Variants in HACD2 observed in about 807,000 individuals in gnomAD.
HACD2 encodes 3-hydroxyacyl-CoA dehydratase 2.
HACD2 carries 15 observed loss-of-function variants against 31.0 expected under a neutral mutation model. That is an observed-to-expected ratio of 0.48 (90% CI 0.32 to 0.75). HACD2 has a LOEUF of 0.75. Ranked by LOEUF, HACD2 falls within the 30% of genes least tolerant of loss-of-function variation. The probability of loss-of-function intolerance (pLI) is 0.03; values close to 1 mark genes in which losing one functional copy is unlikely to be tolerated. For missense variants in HACD2, 283 were observed against 313.0 expected (o/e 0.90, Z 0.72); for synonymous variants, 115 against 122.2 (o/e 0.94, Z 0.39).
chr3:123,545,389 G>T (rs1220690663), intron 3 of HACD2, among the ~76,000 whole-genome samples: 1 of 151,236 alleles, frequency 6.6e-6, no homozygotes, highest in Non-Finnish European at 1.5e-5. Flanking sequence ...GGCTGAGGTG[G>T]CAAAATTGCT....
At chr3:123,561,791 A>T (rs73200044) in intron 3 of HACD2, among the ~76,000 whole-genome samples, 1 of 151,328 alleles carries the variant, frequency 6.6e-6, no homozygotes, top group Admixed American at 6.6e-5. Flanking sequence ...AAAAAAAAAA[A>T]CATATCTCAG....
chr3:123,539,309 C>T (rs2056460737), intron 3 of HACD2, among the ~76,000 whole-genome samples: 1 of 152,124 alleles, frequency 6.6e-6, no homozygotes, highest in South Asian at 2.1e-4. Context: ...GTGATTCACG[C>T]CTGTAATCCC....
At chr3:123,520,821 T>C (rs900240914) in intron 4 of HACD2, among the ~76,000 whole-genome samples, 1 of 152,206 alleles carries the variant, frequency 6.6e-6, no homozygotes, top group African/African-American at 2.4e-5. Context: ...TGTTTCCCCG[T>C]GTTATTCATT....
intron 3 of HACD2, among the ~76,000 whole-genome samples, chr3:123,560,091 G>A (rs1291159670): frequency 6.6e-6 from 1 of 152,202 alleles, no homozygotes; most frequent in South Asian, 2.1e-4. Context: ...GTGTGAAAAA[G>A]CAAGGTTTAT....
Position 123,494,815 on chromosome 3 carries a change from G to T in HACD2, c.*73C>A. On this transcript the variant is annotated 3_prime_UTR_variant, in exon 7 of 7. Transcript: ENST00000383657. ...TACTTATTTTCTATGAAACGTATTGGGAACTCAAAAAATCTGCAGCATTTT... is the reference window on the plus strand; with the variant it reads ...TACTTATTTTCTATGAAACGTATTGTGAACTCAAAAAATCTGCAGCATTTT... The T allele has an allele frequency of 1.1e-6, 1 of 939,536 alleles. No individual in the cohort carries two copies. The highest frequency in any genetic ancestry group is 2.6e-5 in the East Asian group (1 of 38,104). 58.2% of individuals were successfully genotyped at this position (939,536 alleles called of 1,614,324 possible). A position where few individuals can be genotyped will look rare whatever the true frequency, so the allele number is the denominator to read the frequency against.
chr3:123,531,322 CTTTT>C, intron 3 of HACD2, among the ~76,000 whole-genome samples: 1 of 40,356 alleles, frequency 2.5e-5, no homozygotes, highest in Non-Finnish European at 1.5e-4. Context: ...CAGTGTTTTT[CTTTT>C]CTTTTCTTTT....
chr3:123,545,417 G>A (rs973768063), intron 3 of HACD2, among the ~76,000 whole-genome samples: 1 of 151,224 alleles, frequency 6.6e-6, no homozygotes, highest in Admixed American at 6.6e-5. Flanking sequence ...AGGAGGCAGA[G>A]GTTGCAGTGA....
At chr3:123,580,686 G>C (rs1002950344) in intron 2 of HACD2, among the ~76,000 whole-genome samples, 1 of 151,510 alleles carries the variant, frequency 6.6e-6, no homozygotes, top group Non-Finnish European at 1.5e-5. Context: ...TGCAAGCTGA[G>C]GTGGGAGGAC....
intron 3 of HACD2, among the ~76,000 whole-genome samples, chr3:123,541,063 G>C (rs2056484443): frequency 6.6e-6 from 1 of 152,136 alleles, no homozygotes; most frequent in Non-Finnish European, 1.5e-5. Context: ...CTGAGGTTAG[G>C]AGTTCGAGAC....
At chr3:123,497,482 T>A (rs2055848020) in intron 6 of HACD2, among the ~76,000 whole-genome samples, 1 of 152,108 alleles carries the variant, frequency 6.6e-6, no homozygotes. Flanking sequence ...CCAGATATGC[T>A]CTCTGCCTGG....
Position 123,491,941 on chromosome 3 carries a change from C to G in HACD2, c.*2947G>C, listed in dbSNP as rs1476859842. ...CAGGTTGTACCATATCAATGCCAAC[C>G]TTTTATTATAAATGAATAACCAAAA... On this transcript the variant is annotated 3_prime_UTR_variant, in exon 7 of 7. Transcript: ENST00000383657. 1 of 152,168 alleles carries G rather than the reference C, an allele frequency of 6.6e-6. No homozygotes were observed. Among genetic ancestry groups the G allele is most frequent in the Non-Finnish European group, 1.5e-5 (1 of 68,020 alleles). The allele number at this position is 152,168 out of a possible 1,614,324, so 9.4% of individuals were successfully genotyped here.
At chr3:123,515,437 T>C (rs1404011771) in intron 4 of HACD2, among the ~76,000 whole-genome samples, 7 of 152,126 alleles carry the variant, frequency 4.6e-5, no homozygotes, top group Non-Finnish European at 8.8e-5. Context: ...AATGAAGAAA[T>C]AATAGATGGC....
intron 6 of HACD2, among the ~76,000 whole-genome samples, chr3:123,497,081 A>G (rs890929454): frequency 5.9e-5 from 9 of 152,222 alleles, no homozygotes; most frequent in African/African-American, 1.2e-4. Context: ...TGTCTGGCCT[A>G]TTCTCCACAG....
intron 3 of HACD2, among the ~76,000 whole-genome samples, chr3:123,533,178 T>A (rs1362481691): frequency 6.6e-6 from 1 of 152,230 alleles, no homozygotes; most frequent in Non-Finnish European, 1.5e-5. Flanking sequence ...GGACAGGGTC[T>A]CACTCTGTTG....
intron 3 of HACD2, among the ~76,000 whole-genome samples, chr3:123,537,077 G>T (rs555424886): frequency 6.2e-4 from 95 of 152,182 alleles, no homozygotes; most frequent in African/African-American, 2.2e-3. Context: ...GGTAATTATG[G>T]TCATAGACTA....
intron 6 of HACD2, 116 bp downstream of exon 6, chr3:123,500,399 C>T: frequency 2.9e-6 from 2 of 700,948 alleles, no homozygotes; most frequent in Non-Finnish European, 2.3e-6. Context: ...CCAAGAATTC[C>T]CAATAAATGA....
intron 2 of HACD2, among the ~76,000 whole-genome samples, chr3:123,572,410 A>C (rs2056864459): frequency 1.3e-5 from 2 of 152,208 alleles, no homozygotes; most frequent in Admixed American, 6.5e-5. Context: ...TGGAAGGCTG[A>C]GGCAGGAGGA....
At chr3:123,547,170 C>T (rs1244134342) in intron 3 of HACD2, among the ~76,000 whole-genome samples, 1 of 152,128 alleles carries the variant, frequency 6.6e-6, no homozygotes, top group Non-Finnish European at 1.5e-5. Flanking sequence ...GTTGATTGCC[C>T]TTTAATAAAT....
At chr3:123,520,366 T>G (rs1248192870) in intron 4 of HACD2, among the ~76,000 whole-genome samples, 1 of 152,216 alleles carries the variant, frequency 6.6e-6, no homozygotes, top group African/African-American at 2.4e-5. Context: ...ATCAAGAGAA[T>G]GGTAAATAAT....
Sources: allele counts gnomAD v4.1 joint callset (sites outside exome capture counted in the v4.1 genomes callset), GRCh38; gene constraint gnomAD v4.1.1; transcripts MANE v1.5; gene names NCBI Gene and HGNC (gene_info 2026-07-23, HGNC 2026-07-21).